LANCL3: variants seen among roughly 807,000 people sequenced by gnomAD.
LANCL3 encodes the protein lanC-like protein 3.
Under a neutral mutation model 26.5 loss-of-function variants are expected in LANCL3, and 19 were observed. That is an observed-to-expected ratio of 0.72 (90% CI 0.50 to 1.05). The LOEUF is 1.05. LANCL3 is among the 50% of genes least tolerant of loss of function. The probability of loss-of-function intolerance (pLI) is 0.00; values close to 1 mark genes in which losing one functional copy is unlikely to be tolerated. For missense variants in LANCL3, 318 were observed against 362.7 expected (o/e 0.88, Z 1.00); for synonymous variants, 160 against 166.6 (o/e 0.96, Z 0.30).
At chrX:37,669,901 A>C (rs1388122462) in intron 4 of LANCL3, among the ~76,000 whole-genome samples, 1 of 112,204 alleles carries the variant, frequency 8.9e-6, no homozygotes, top group Non-Finnish European at 1.9e-5. Context: ...CCTCCCCGCT[A>C]TGTTTGCAGC....
chrX:37,572,182 C>G lies in LANCL3; in HGVS notation c.312C>G (p.Ala104=). Residue 104 remains alanine, a synonymous_variant, in exon 1 of 5, where the codon GCC becomes GCG. Coordinates refer to ENST00000378619, the MANE Select transcript of LANCL3 (RefSeq NM_001170331.2). The part of the protein sequence containing the change: ...RSAKRLIDAC[A]RAEEWGEPDA... ...CTAAGCGCCTCATCGACGCGTGCGC[C>G]CGCGCTGAGGAGTGGGGCGAACCGG... 1 of 1,183,606 alleles carries G rather than the reference C, an allele frequency of 8.4e-7. No individual in the cohort carries two copies. Among genetic ancestry groups the G allele is most frequent in the Non-Finnish European group, 1.1e-6 (1 of 886,774 alleles).
chrX:37,629,112 G>T (rs1556423645), intron 1 of LANCL3, among the ~76,000 whole-genome samples: 1 of 107,474 alleles, frequency 9.3e-6, no homozygotes, highest in African/African-American at 3.4e-5. Flanking sequence ...AGCACCTGTT[G>T]TTTCCTGACT....
intron 1 of LANCL3, among the ~76,000 whole-genome samples, chrX:37,610,418 CAT>C (rs1924834406): frequency 8.9e-6 from 1 of 111,993 alleles, no homozygotes; most frequent in Non-Finnish European, 1.9e-5. Flanking sequence ...GCTACAAAAA[CAT>C]GTGGATGGGC....
At chrX:37,613,078 G>A (rs957195172) in intron 1 of LANCL3, among the ~76,000 whole-genome samples, 2 of 110,920 alleles carry the variant, frequency 1.8e-5, no homozygotes, top group Non-Finnish European at 3.8e-5. Context: ...CTTGATGAGA[G>A]GTTGCCGTCT....
Position 37,572,102 on chromosome X carries a change from C to A in LANCL3, c.232C>A (p.His78Asn). 3 of 1,191,550 alleles carry A rather than the reference C, an allele frequency of 2.5e-6. No homozygotes were observed. Among genetic ancestry groups the A allele is most frequent in the Non-Finnish European group, 3.4e-6 (3 of 889,526 alleles). The change falls in exon 1 of 5, where the codon CAC (histidine) becomes AAC (asparagine). Residue 78 changes from histidine (H) to asparagine (N), a missense_variant. Transcript: ENST00000378619. Reference sequence around the variant, plus strand: ...GGCCGGAGTGGCGTATATGCTCTACCACGTCTCGCAGAGCCCGCTTTTCGC... The same window carrying A: ...GGCCGGAGTGGCGTATATGCTCTACAACGTCTCGCAGAGCCCGCTTTTCGC... ...GVAGVAYMLY[H>N]VSQSPLFATA...
intron 3 of LANCL3, among the ~76,000 whole-genome samples, chrX:37,665,574 G>A (rs1388374764): frequency 8.9e-6 from 1 of 112,035 alleles, no homozygotes; most frequent in Admixed American, 9.5e-5. Flanking sequence ...ATCCTATTAT[G>A]TATCAGTCAT....
chrX:37,587,752 G>A (rs1238510097), intron 1 of LANCL3, among the ~76,000 whole-genome samples: 2 of 112,303 alleles, frequency 1.8e-5, no homozygotes, highest in Non-Finnish European at 1.9e-5. Context: ...CCCGGGTGAG[G>A]GGATGCCTCA....
chrX:37,578,841 A>T (rs782153455), intron 1 of LANCL3, among the ~76,000 whole-genome samples: 2 of 109,367 alleles, frequency 1.8e-5, no homozygotes, highest in Non-Finnish European at 1.9e-5. Flanking sequence ...TTAGCTGGGC[A>T]TGGTGGTAGG....
intron 4 of LANCL3, among the ~76,000 whole-genome samples, chrX:37,669,040 C>A (rs1320920715): frequency 1.8e-5 from 2 of 111,550 alleles, no homozygotes; most frequent in African/African-American, 6.5e-5. Context: ...TGTAAATGTT[C>A]ATTGTTATTA....
At chrX:37,673,528 T>C (rs1926730462) in intron 4 of LANCL3, among the ~76,000 whole-genome samples, 1 of 111,076 alleles carries the variant, frequency 9.0e-6, no homozygotes, top group Non-Finnish European at 1.9e-5. Flanking sequence ...ATTAGCATGC[T>C]GACTTCTATT....
At chrX:37,668,766 A>G (rs1203701892) in intron 4 of LANCL3, among the ~76,000 whole-genome samples, 6 of 111,755 alleles carry the variant, frequency 5.4e-5, no homozygotes, top group Non-Finnish European at 1.1e-4. Context: ...TCCCACTGAA[A>G]GTGTACAGCT....
Position 37,589,775 on chromosome X carries a change from A to G in LANCL3, c.573+17332A>G, listed in dbSNP as rs190965946. On this transcript the variant is annotated intron_variant, in intron 1 of 4. Transcript: ENST00000378619. ...TGGATGTTCAGCCAATCTGTCTTAT[A>G]TTCCCTGTGGTGGCATTCAGAGCTG... Among the ~76,000 whole-genome samples the G allele has an allele frequency of 1.5e-4, 17 of 111,499 alleles. No individual in the cohort carries two copies. In the East Asian group the frequency reaches 3.9e-3, roughly 26 times the overall value.
At position 37,679,987 on chromosome X, in the gene LANCL3, T is replaced by A. The variant is rs1168265448; in HGVS notation, c.*4174T>A. 8.9e-6 allele frequency: 1 copy of A among 111,782 alleles called. No homozygotes were observed. Among genetic ancestry groups the A allele is most frequent in the Non-Finnish European group, 1.9e-5 (1 of 53,200 alleles). 9.2% of individuals were successfully genotyped at this position (111,782 alleles called of 1,213,427 possible). A position where few individuals can be genotyped will look rare whatever the true frequency, so the allele number is the denominator to read the frequency against. ...TTAAATATTATAGTTCATTGTGATA[T>A]GTTTTTCCTGTATCTGCTCTATCAT... On this transcript the variant is annotated 3_prime_UTR_variant, in exon 5 of 5. Transcript: ENST00000378619.
At chrX:37,617,428 G>T (rs1556421808) in intron 1 of LANCL3, among the ~76,000 whole-genome samples, 1 of 111,418 alleles carries the variant, frequency 9.0e-6, no homozygotes, top group Non-Finnish European at 1.9e-5. Flanking sequence ...GATGGCTGCT[G>T]TAGCTCTGAA....
In LANCL3 at chrX:37,572,061, G is replaced by A. The variant is rs781840615; in HGVS notation, c.191G>A (p.Gly64Glu). 3.1e-5 allele frequency: 36 copies of A among 1,179,052 alleles called. No homozygotes were observed. Among genetic ancestry groups the A allele is most frequent in the South Asian group, 1.8e-4 (10 of 54,257 alleles). Residue 64 changes from glycine (G) to glutamate (E), a missense_variant, in exon 1 of 5, where the codon GGG becomes GAG. Coordinates refer to ENST00000378619, the MANE Select transcript of LANCL3 (RefSeq NM_001170331.2). ...ATAGASACQG[G>E]LYGGVAGVAY... ...GCGGGGGCTAGCGCCTGCCAGGGGG[G>A]GCTTTATGGCGGCGTGGCCGGAGTG...
chrX:37,619,954 C>T (rs966161994), intron 1 of LANCL3, among the ~76,000 whole-genome samples: 1 of 112,394 alleles, frequency 8.9e-6, no homozygotes, highest in Admixed American at 9.4e-5. Flanking sequence ...ATTTTTCTCC[C>T]TCAGTGTGGA....
chrX:37,598,652 A>G (rs1556419713), intron 1 of LANCL3, among the ~76,000 whole-genome samples: 1 of 112,607 alleles, frequency 8.9e-6, no homozygotes, highest in East Asian at 2.8e-4. Flanking sequence ...ACTCATGTGT[A>G]TACCTAACAG....
intron 1 of LANCL3, among the ~76,000 whole-genome samples, chrX:37,633,298 T>C (rs781966437): frequency 1.9e-4 from 21 of 111,438 alleles, no homozygotes; most frequent in African/African-American, 6.8e-4. Context: ...AGCCTTGGCT[T>C]TCAGCTCCGG....
intron 1 of LANCL3, among the ~76,000 whole-genome samples, chrX:37,589,215 G>A (rs1234661029): frequency 1.8e-5 from 2 of 111,719 alleles, no homozygotes; most frequent in Non-Finnish European, 3.8e-5. Context: ...TGTTGAAATA[G>A]TCTGGACTCT....
Sources: gnomAD v4.1 joint callset for allele counts (sites outside exome capture counted in the v4.1 genomes callset) on GRCh38, gnomAD v4.1.1 for gene constraint, MANE v1.5 for transcripts, NCBI Gene and HGNC (gene_info 2026-07-23, HGNC 2026-07-21) for gene names.